The following ZNF568 variants were observed in gnomAD, a reference collection of about 807,000 sequenced individuals.
ZNF568 encodes the protein zinc finger protein 568.
ZNF568 carries 11 observed loss-of-function variants against 18.1 expected under a neutral mutation model. The observed-to-expected ratio is 0.61, with a 90% CI of 0.38 to 1.00. The LOEUF (loss-of-function observed/expected upper bound fraction) is 1.00, where lower values mean the gene tolerates loss of function less well. Among genes scored for constraint, ZNF568 ranks in the 50% least tolerant of loss-of-function variants. ZNF568 has a pLI of 0.01. For synonymous variants in ZNF568, 213 were observed against 246.6 expected (o/e 0.86, Z 1.28); for missense variants, 639 against 768.2 (o/e 0.83, Z 1.99).
At chr19:36,945,706 A>G (rs2073951677) in intron 6 of ZNF568, among the ~76,000 whole-genome samples, 2 of 150,220 alleles carry the variant, frequency 1.3e-5, no homozygotes, top group African/African-American at 4.9e-5. Flanking sequence ...ATGCGTGTAT[A>G]TGTACTATAT....
chr19:36,974,287 CAGAG>C (rs2074262517), intron 6 of ZNF568: 1 of 697,538 alleles, frequency 1.4e-6, no homozygotes, highest in Non-Finnish European at 2.4e-6. Context: ...GTGAGGATGA[CAGAG>C]AGCGGTGGCG....
chr19:36,984,657 A>C (rs2074360744), downstream of ZNF568, among the ~76,000 whole-genome samples: 1 of 152,016 alleles, frequency 6.6e-6, no homozygotes, highest in Non-Finnish European at 1.5e-5. Flanking sequence ...GATGGAATTA[A>C]ATAGTAAATT....
chr19:36,965,984 G>C (rs1202817577), intron 6 of ZNF568, among the ~76,000 whole-genome samples: 2 of 151,776 alleles, frequency 1.3e-5, no homozygotes, highest in Non-Finnish European at 2.9e-5. Flanking sequence ...ACAGGCGTGA[G>C]CCATAGCACC....
intron 4 of ZNF568, among the ~76,000 whole-genome samples, chr19:36,933,671 G>C (rs994817791): frequency 6.6e-6 from 1 of 151,910 alleles, no homozygotes; most frequent in African/African-American, 2.4e-5. Flanking sequence ...ATTAATAAGA[G>C]AGAGTGGGCT....
chr19:36,976,507 G>A (rs1486306299), intron 7 of ZNF568: 1 of 151,856 alleles, frequency 6.6e-6, no homozygotes, highest in Non-Finnish European at 1.5e-5. Context: ...AGTATATAAA[G>A]TTATAAGGGC....
chr19:36,946,152 A>G (rs2073961402), intron 6 of ZNF568, among the ~76,000 whole-genome samples: 1 of 152,064 alleles, frequency 6.6e-6, no homozygotes, highest in African/African-American at 2.4e-5. Flanking sequence ...ATGGTTATCT[A>G]TAGGGCAAAG....
chr19:36,920,247 G>A (rs1316787132), intron 2 of ZNF568, among the ~76,000 whole-genome samples: 2 of 151,950 alleles, frequency 1.3e-5, no homozygotes, highest in Non-Finnish European at 2.9e-5. Context: ...ATAGAATAAG[G>A]ATATAAAGAA....
intron 3 of ZNF568, among the ~76,000 whole-genome samples, chr19:36,924,363 C>A (rs567587256): frequency 6.6e-6 from 1 of 151,744 alleles, no homozygotes; most frequent in Non-Finnish European, 1.5e-5. Context: ...GGACTACAGG[C>A]GCACGCCACT....
At chr19:36,997,511 C>G (rs781480344), downstream of ZNF568, 4 of 1,588,046 alleles carry the variant, frequency 2.5e-6, no homozygotes, top group South Asian at 4.5e-5. Flanking sequence ...TCAGAACTCA[C>G]ACATCATGAG....
chr19:36,950,027 A>T lies in ZNF568; in HGVS notation c.874A>T (p.Asn292Tyr). The stretch of plus-strand genomic sequence containing the variant: ...TGGAAAAGCTTTCATTCAGATGTCA[A>T]ACCTTATTAGACACCACAGAATTCA... ...ECGKAFIQMSNLIRHHRIHTG... is the reference protein window; with the variant it reads ...ECGKAFIQMSYLIRHHRIHTG... Residue 292 changes from asparagine (N) to tyrosine (Y), a missense_variant, in exon 7 of 7, where the codon AAC (asparagine) becomes TAC (tyrosine). Coordinates refer to ENST00000333987, the MANE Select transcript of ZNF568 (RefSeq NM_198539.4). 6.2e-7 allele frequency: 1 copy of T among 1,613,832 alleles called. No homozygotes were observed. Among genetic ancestry groups the T allele is most frequent in the Non-Finnish European group, 8.5e-7 (1 of 1,179,920 alleles).
chr19:36,939,823 G>A (rs2073852256), intron 6 of ZNF568, among the ~76,000 whole-genome samples: 1 of 152,184 alleles, frequency 6.6e-6, no homozygotes, highest in Non-Finnish European at 1.5e-5. Context: ...ACAGGCAAGA[G>A]CCACTGCATC....
At chr19:36,948,919 C>A (rs1417021733) in intron 6 of ZNF568, among the ~76,000 whole-genome samples, 8 of 152,026 alleles carry the variant, frequency 5.3e-5, no homozygotes. Context: ...TGATTTCTGG[C>A]CAAATCTCTT....
chr19:36,935,688 ATCTT>A lies in ZNF568; in HGVS notation c.136-1054_136-1051del, dbSNP rs2073778805. ...TGTTAGATGCATATATAATTGTTAT[ATCTT>A]TCTGCCAGATTGACCCTTTTATCAT... On this transcript the variant is annotated intron_variant, in intron 4 of 6. Coordinates refer to ENST00000333987, the MANE Select transcript of ZNF568 (RefSeq NM_198539.4). Among the ~76,000 whole-genome samples, 3 of 151,936 alleles carry A rather than the reference ATCTT, an allele frequency of 2.0e-5. No individual in the cohort carries two copies. The East Asian group carries it at 5.8e-4, about 29-fold the overall frequency.
chr19:36,934,516 T>C (rs1278705631), intron 4 of ZNF568, among the ~76,000 whole-genome samples: 1 of 152,044 alleles, frequency 6.6e-6, no homozygotes, highest in Non-Finnish European at 1.5e-5. Flanking sequence ...GAGATGGGGT[T>C]TTACCATGTT....
intron 2 of ZNF568, among the ~76,000 whole-genome samples, chr19:36,920,238 T>C (rs2073428930): frequency 6.6e-6 from 1 of 152,122 alleles, no homozygotes; most frequent in Non-Finnish European, 1.5e-5. Flanking sequence ...AGATAGCTTA[T>C]AGAATAAGGA....
intron 4 of ZNF568, 90 bp from the exon 5 acceptor site, chr19:36,936,656 C>A (rs1407946766): frequency 1.3e-5 from 17 of 1,318,652 alleles, no homozygotes; most frequent in Non-Finnish European, 1.8e-5. Flanking sequence ...ACCTCTGACC[C>A]CTGAGTACCA....
chr19:36,936,110 C>T (rs2073785214), intron 4 of ZNF568, among the ~76,000 whole-genome samples: 1 of 152,016 alleles, frequency 6.6e-6, no homozygotes, highest in Non-Finnish European at 1.5e-5. Flanking sequence ...TGATTTTTCA[C>T]TATATTTTCT....
At chr19:36,967,558 T>C (rs2074203316) in intron 6 of ZNF568, among the ~76,000 whole-genome samples, 1 of 152,094 alleles carries the variant, frequency 6.6e-6, no homozygotes, top group Admixed American at 6.6e-5. Context: ...GCAATACTCC[T>C]TCTCAAAAAA....
intron 2 of ZNF568, 92 bp from the exon 3 acceptor site, chr19:36,922,494 C>T (rs192818064): frequency 3.5e-4 from 115 of 329,136 alleles, no homozygotes; most frequent in Middle Eastern, 2.5e-3. Context: ...TACCAGAAGA[C>T]GGTGGTCACT....
Sources: gnomAD v4.1 joint callset for allele counts (sites outside exome capture counted in the v4.1 genomes callset) on GRCh38, gnomAD v4.1.1 for gene constraint, MANE v1.5 for transcripts, NCBI Gene and HGNC (gene_info 2026-07-23, HGNC 2026-07-21) for gene names.